Variants in ADPRS observed in about 807,000 individuals in gnomAD.
ADPRS encodes ADP-ribosylhydrolase ARH3.
A neutral mutation model predicts 32.1 loss-of-function variants in ADPRS; 25 were observed. The ratio of observed to expected loss-of-function variants is 0.78; its 90% CI spans 0.57 to 1.09. The LOEUF is 1.09. Among genes scored for constraint, ADPRS ranks in the 50% least tolerant of loss-of-function variants. ADPRS has a pLI of 0.00. For missense variants in ADPRS, 482 were observed against 480.6 expected, an observed-to-expected ratio of 1.00 and a Z score of -0.03; for synonymous variants, 225 against 201.0, an observed-to-expected ratio of 1.12 and a Z score of -1.01.
In ADPRS at chr1:36,093,925, A is replaced by C. The variant is rs548074559; in HGVS notation, c.*539A>C. 1 of 158,374 alleles carries C rather than the reference A, an allele frequency of 6.3e-6. No individual in the cohort carries two copies. The highest frequency in any genetic ancestry group is 2.4e-5 in the African/African-American group (1 of 41,636). The allele number at this position is 158,374 out of a possible 1,614,324, so 9.8% of individuals were successfully genotyped here. On this transcript the variant is annotated 3_prime_UTR_variant, in exon 6 of 6. Transcript: ENST00000373178. ...GAAGTCGCAATAAACAGTTTTTGGTAAATCTCACCACTGTTTCTTGTTTCT... is the reference window on the plus strand; with the variant it reads ...GAAGTCGCAATAAACAGTTTTTGGTCAATCTCACCACTGTTTCTTGTTTCT...
At chr1:36,091,597 G>A in intron 2 of ADPRS, 21 bp from the exon 3 acceptor site, 3 of 1,556,740 alleles carry the variant, frequency 1.9e-6, no homozygotes, top group Non-Finnish European at 2.6e-6. Context: ...TCTGAATTCT[G>A]TCTCCCCTTC....
chr1:36,091,669 A>C lies in ADPRS; in HGVS notation c.360A>C (p.Val120=), dbSNP rs1413731425. The change falls in exon 3 of 6, where the codon GTA becomes GTC. Residue 120 remains valine, a synonymous_variant. Coordinates refer to ENST00000373178, the MANE Select transcript of ADPRS (RefSeq NM_017825.3). ...CTGACAGGGGCTATGGTGCTGGAGT[A>C]GTCACTGTCTTCAAGAAGCTCCTGA... ...KDPDRGYGAG[V]VTVFKKLLNP... 1 of 1,613,654 alleles carries C rather than the reference A, an allele frequency of 6.2e-7. No homozygotes were observed. The highest frequency in any genetic ancestry group is 1.1e-5 in the South Asian group (1 of 90,976).
chr1:36,090,362 A>G (rs1253450628), intron 1 of ADPRS, among the ~76,000 whole-genome samples: 2 of 152,220 alleles, frequency 1.3e-5, no homozygotes, highest in African/African-American at 2.4e-5. Context: ...AGGGGATGGA[A>G]GTTTTCTTTC....
At position 36,089,097 on chromosome 1, in the gene ADPRS, C is replaced by A; in HGVS notation, c.193C>A (p.Pro65Thr). The change falls in exon 1 of 6, where the codon CCC (proline) becomes ACC (threonine). Residue 65 changes from proline to threonine, a missense_variant. Transcript: ENST00000373178. ...VQSLEPDPGT[P>T]GSERTEALYY... The stretch of plus-strand genomic sequence containing the variant: ...GAGTCTGGAGCCGGACCCCGGCACG[C>A]CCGGGAGTGAGCGGACAGGTGGGCG... The A allele has an allele frequency of 7.0e-7, 1 of 1,425,880 alleles. No homozygotes were observed. 88.3% of individuals were successfully genotyped at this position (1,425,880 alleles called of 1,614,324 possible). A position where few individuals can be genotyped will look rare whatever the true frequency, so the allele number is the denominator to read the frequency against.
chr1:36,092,063 G>A lies in ADPRS; in HGVS notation c.670G>A (p.Gly224Ser). ...QLLGHMEDLEGDAQSVLDARE... is the reference protein window; with the variant it reads ...QLLGHMEDLESDAQSVLDARE... ...CCTGGGCCACATGGAGGATCTGGAG[G>A]GTGATGCCCAGTCCGTCTTGGATGC... is the stretch of plus-strand genomic sequence containing the variant. The change falls in exon 4 of 6, where the codon GGT becomes AGT. Residue 224 changes from glycine (G) to serine (S), a missense_variant. By Grantham distance (56) the Gly-to-Ser change is moderately conservative. Coordinates refer to ENST00000373178, the MANE Select transcript of ADPRS (RefSeq NM_017825.3). 1.2e-6 allele frequency: 2 copies of A among 1,612,768 alleles called. No homozygotes were observed. Among genetic ancestry groups the A allele is most frequent in the Non-Finnish European group, 8.5e-7 (1 of 1,179,254 alleles).
chr1:36,093,746 C>G lies in ADPRS; in HGVS notation c.*360C>G, dbSNP rs1475170786. ...AATGATGAGCAGTAGCATCATTTCT[C>G]CCTGTTGGGTTTTAGCCAGTTTGCC... On this transcript the variant is annotated 3_prime_UTR_variant, in exon 6 of 6. Coordinates refer to ENST00000373178, the MANE Select transcript of ADPRS (RefSeq NM_017825.3). The G allele has an allele frequency of 2.8e-5, 6 of 217,536 alleles. No homozygotes were observed. The highest frequency in any genetic ancestry group is 1.3e-4 in the African/African-American group (6 of 44,622). 13.5% of individuals were successfully genotyped at this position (217,536 alleles called of 1,614,324 possible).
At chr1:36,089,183 G>A in intron 1 of ADPRS, 68 bp downstream of exon 1, 1 of 1,367,690 alleles carries the variant, frequency 7.3e-7, no homozygotes, top group Non-Finnish European at 9.4e-7. Context: ...GAGCCTCCGG[G>A]GGCGACGGGT....
In ADPRS at chr1:36,089,085, G is replaced by A. The variant is rs781657776; in HGVS notation, c.181G>A (p.Asp61Asn). 52 of 1,434,524 alleles carry A rather than the reference G, an allele frequency of 3.6e-5. No homozygotes were observed. The highest frequency in any genetic ancestry group is 4.7e-5 in the Non-Finnish European group (51 of 1,096,410). The allele number at this position is 1,434,524 out of a possible 1,614,324, so 88.9% of individuals were successfully genotyped here. A position where few individuals can be genotyped will look rare whatever the true frequency, so the allele number is the denominator to read the frequency against. The change falls in exon 1 of 6, where the codon GAC (aspartate) becomes AAC (asparagine). Residue 61 changes from aspartate (D) to asparagine (N), a missense_variant. Asp to Asn is a conservative substitution (Grantham distance 23). Transcript: ENST00000373178. ...GCGTCATGTCCAGAGTCTGGAGCCG[G>A]ACCCCGGCACGCCCGGGAGTGAGCG... ...VLRHVQSLEP[D>N]PGTPGSERTE...
rs749889837 is a variant in ADPRS at position 36,089,040 on chromosome 1, G to T, written c.136G>T (p.Val46Phe). Residue 46 changes from valine to phenylalanine, a missense_variant, in exon 1 of 6, where the codon GTC becomes TTC. Coordinates refer to ENST00000373178, the MANE Select transcript of ADPRS (RefSeq NM_017825.3). ...CTCCTTCTACGAGGCCCACGACACC[G>T]TCGACCTGACGTCAGTCCTGCGTCA... ...VGSFYEAHDTVDLTSVLRHVQ... is the reference protein window; with the variant it reads ...VGSFYEAHDTFDLTSVLRHVQ... 47 of 1,474,224 alleles carry T rather than the reference G, an allele frequency of 3.2e-5. No individual in the cohort carries two copies. In the Middle Eastern group the frequency reaches 1.2e-3, roughly 39 times the overall value. The allele number at this position is 1,474,224 out of a possible 1,614,324, so 91.3% of individuals were successfully genotyped here.
chr1:36,092,641 G>T, intron 5 of ADPRS, 119 bp downstream of exon 5: 1 of 890,596 alleles, frequency 1.1e-6, no homozygotes, highest in South Asian at 1.6e-5. Flanking sequence ...CTGTGACACG[G>T]AGTCAATGGC....
intron 4 of ADPRS, among the ~76,000 whole-genome samples, 162 bp from the exon 5 acceptor site, chr1:36,092,260 G>A (rs954622538): frequency 6.6e-6 from 1 of 152,094 alleles, no homozygotes; most frequent in African/African-American, 2.4e-5. Flanking sequence ...CCCAGAGAAC[G>A]AAACGACCTG....
intron 4 of ADPRS, 21 bp downstream of exon 4, chr1:36,092,115 G>A (rs1643492765): frequency 1.3e-6 from 2 of 1,584,106 alleles, no homozygotes; most frequent in South Asian, 2.3e-5. Context: ...GGCTGGAGGT[G>A]TGTGGTGTGG....
At chr1:36,092,318 C>G (rs919989525) in intron 4 of ADPRS, 104 bp from the exon 5 acceptor site, 2 of 1,270,232 alleles carry the variant, frequency 1.6e-6, no homozygotes, top group African/African-American at 2.9e-5. Flanking sequence ...TGCCTGGCTG[C>G]CAGCCTGACC....
chr1:36,090,072 G>A (rs1179959172), intron 1 of ADPRS, among the ~76,000 whole-genome samples: 1 of 152,216 alleles, frequency 6.6e-6, no homozygotes, highest in African/African-American at 2.4e-5. Flanking sequence ...GGCTATCAAC[G>A]AAACCTAGGA....
chr1:36,091,293 G>A lies in ADPRS; in HGVS notation c.261G>A (p.Gln87=). 1.2e-6 allele frequency: 2 copies of A among 1,614,232 alleles called. No homozygotes were observed. The highest frequency in any genetic ancestry group is 1.7e-6 in the Non-Finnish European group (2 of 1,180,044). The change falls in exon 2 of 6, where the codon CAG becomes CAA. Residue 87 remains glutamine, a synonymous_variant. Coordinates refer to ENST00000373178, the MANE Select transcript of ADPRS (RefSeq NM_017825.3). ...CAGCCATGGCCAGGGCCCTGGTGCA[G>A]TCCCTGCTAGCCAAGGAGGCCTTTG... ...DDTAMARALV[Q]SLLAKEAFDE... is the part of the protein sequence containing the mutation.
Position 36,092,454 on chromosome 1 carries a change from G to T in ADPRS, c.734G>T (p.Arg245Leu). Residue 245 changes from arginine (R) to leucine (L), a missense_variant, in exon 5 of 6, where the codon CGC becomes CTC. Coordinates refer to ENST00000373178, the MANE Select transcript of ADPRS (RefSeq NM_017825.3). ...ATGGAGGAGCGTCCATACTCCAGCC[G>T]CCTGAAGAAGATTGGAGAGCTTCTA... ...LGMEERPYSSRLKKIGELLDQ... is the reference protein window; with the variant it reads ...LGMEERPYSSLLKKIGELLDQ... The T allele has an allele frequency of 2.5e-6, 4 of 1,614,140 alleles. No homozygotes were observed. Among genetic ancestry groups the T allele is most frequent in the Non-Finnish European group, 3.4e-6 (4 of 1,179,998 alleles).
intron 1 of ADPRS, 132 bp from the exon 2 acceptor site, chr1:36,091,112 T>C (rs1643474102): frequency 3.0e-6 from 2 of 668,468 alleles, no homozygotes; most frequent in Non-Finnish European, 5.3e-6. Context: ...AAGACTGCAG[T>C]GAGCCATGAT....
rs1643439120 is a variant in ADPRS, at chr1:36,088,973, C to G, written c.69C>G (p.Phe23Leu). The change falls in exon 1 of 6, where the codon TTC becomes TTG. Residue 23 changes from phenylalanine to leucine, a missense_variant. Coordinates refer to ENST00000373178, the MANE Select transcript of ADPRS (RefSeq NM_017825.3). Reference sequence around the variant, plus strand: ...GCGCGGCCCGCTCCCTCTCGCGCTTCCGAGGCTGCCTGGCTGGCGCGCTGC... The same window carrying G: ...GCGCGGCCCGCTCCCTCTCGCGCTTGCGAGGCTGCCTGGCTGGCGCGCTGC... ...GAGAARSLSR[F>L]RGCLAGALLG... The G allele has an allele frequency of 1.3e-6, 2 of 1,492,986 alleles. No individual in the cohort carries two copies. Among genetic ancestry groups the G allele is most frequent in the South Asian group, 2.6e-5 (2 of 76,066 alleles). The allele number at this position is 1,492,986 out of a possible 1,614,324, so 92.5% of individuals were successfully genotyped here.
At chr1:36,091,217 C>T in intron 1 of ADPRS, 27 bp from the exon 2 acceptor site, 3 of 1,554,790 alleles carry the variant, frequency 1.9e-6, no homozygotes, top group Middle Eastern at 1.7e-4. Context: ...GAGCAGGAGG[C>T]TCTCATCCTC....
Sources: gnomAD v4.1 joint callset for allele counts (sites outside exome capture counted in the v4.1 genomes callset) on GRCh38, gnomAD v4.1.1 for gene constraint, MANE v1.5 for transcripts, NCBI Gene and HGNC (gene_info 2026-07-23, HGNC 2026-07-21) for gene names.